HMGXB3: variants seen among roughly 807,000 people sequenced by gnomAD.
HMGXB3 encodes the protein HMG-box containing 3.
In HMGXB3, 45 loss-of-function variants were observed where a neutral mutation model predicts 121.5. The observed-to-expected ratio is 0.37, with a 90% CI of 0.29 to 0.47. The LOEUF is 0.47. Among genes scored for constraint, HMGXB3 ranks in the 20% least tolerant of loss-of-function variants. The pLI is 0.99. For missense variants in HMGXB3, 1,376 were observed against 1,602.2 expected (o/e 0.86, Z 2.41); for synonymous variants, 590 against 624.1 (o/e 0.95, Z 0.81).
intron 6 of HMGXB3, among the ~76,000 whole-genome samples, chr5:150,022,494 A>G (rs1465982420): frequency 6.6e-6 from 1 of 152,230 alleles, no homozygotes; most frequent in Non-Finnish European, 1.5e-5. Context: ...AGTAACATCT[A>G]AAATGAGTAG....
Position 150,007,551 on chromosome 5 carries a change from C to G in HMGXB3, c.312+904C>G, listed in dbSNP as rs114842435. Among the ~76,000 whole-genome samples the G allele has an allele frequency of 2.0e-3, 308 of 152,264 alleles. 1 individual carries two copies. The highest frequency in any genetic ancestry group is 7.1e-3 in the African/African-American group (295 of 41,550). ...CCTTATTGGAGCTCATCAGCTACTGCCATTTAAATTATTTTGTGCTTATTG... is the reference window on the plus strand; with the variant it reads ...CCTTATTGGAGCTCATCAGCTACTGGCATTTAAATTATTTTGTGCTTATTG... On this transcript the variant is annotated intron_variant, in intron 3 of 19. Coordinates refer to ENST00000502717, the MANE Select transcript of HMGXB3 (RefSeq NM_014983.3).
Position 150,006,450 on chromosome 5 carries a change from TGAA to T in HMGXB3, c.138-18_138-16del. 1.3e-6 allele frequency: 2 copies of T among 1,543,434 alleles called. No individual in the cohort carries two copies. ...CAGCATTGCCATTACTGGGAAAGCC[TGAA>T]GAAGTCATTGCTTCCTCAGGTCTGC... is the stretch of plus-strand genomic sequence containing the variant. On this transcript the variant is annotated intron_variant, in intron 2 of 19. Coordinates refer to ENST00000502717, the MANE Select transcript of HMGXB3 (RefSeq NM_014983.3).
At chr5:150,046,748 A>G (rs1187604570) in intron 16 of HMGXB3, among the ~76,000 whole-genome samples, 2 of 151,704 alleles carry the variant, frequency 1.3e-5, no homozygotes, top group East Asian at 4.0e-4. Context: ...GGAGGCGGAG[A>G]TTGCAGTGAG....
intron 1 of HMGXB3, among the ~76,000 whole-genome samples, chr5:150,002,138 G>A (rs1290496067): frequency 6.6e-6 from 1 of 152,198 alleles, no homozygotes; most frequent in Non-Finnish European, 1.5e-5. Flanking sequence ...AGATGACAGA[G>A]AACTAGGAAG....
chr5:150,024,193 G>T, intron 6 of HMGXB3, 69 bp from the exon 7 acceptor site: 1 of 1,236,016 alleles, frequency 8.1e-7, no homozygotes, highest in South Asian at 1.6e-5. Flanking sequence ...TATTAAAAAT[G>T]AGAGAATGTT....
intron 16 of HMGXB3, 92 bp from the exon 17 acceptor site, chr5:150,047,532 C>T (rs1445329376): frequency 3.4e-6 from 5 of 1,461,312 alleles, no homozygotes; most frequent in Non-Finnish European, 3.7e-6. Context: ...TGGTGCAGAG[C>T]TGGCTTCCAC....
At chr5:150,002,502 A>G (rs1202776760) in intron 1 of HMGXB3, among the ~76,000 whole-genome samples, 19 of 152,068 alleles carry the variant, frequency 1.2e-4, no homozygotes, top group Non-Finnish European at 1.5e-5. Flanking sequence ...TCAGTCCCAT[A>G]TTTACCACCA....
At chr5:150,026,915 T>C (rs775848680) in intron 8 of HMGXB3, 34 bp downstream of exon 8, 1 of 1,511,568 alleles carries the variant, frequency 6.6e-7, no homozygotes, top group South Asian at 1.3e-5. Flanking sequence ...ATGGAGGGGC[T>C]GTCTGACAGG....
At chr5:150,046,769 G>C (rs963086452) in intron 16 of HMGXB3, among the ~76,000 whole-genome samples, 3 of 151,834 alleles carry the variant, frequency 2.0e-5, no homozygotes, top group Non-Finnish European at 4.4e-5. Flanking sequence ...CCGAGATCGC[G>C]CCACTGCACT....
chr5:150,023,914 C>G (rs1454747873), intron 6 of HMGXB3, among the ~76,000 whole-genome samples: 1 of 152,236 alleles, frequency 6.6e-6, no homozygotes, highest in Non-Finnish European at 1.5e-5. Context: ...ATGTCACCCT[C>G]TTTCTAGACA....
chr5:150,039,322 C>T (rs893962770), intron 13 of HMGXB3, among the ~76,000 whole-genome samples: 4 of 152,054 alleles, frequency 2.6e-5, no homozygotes, highest in Non-Finnish European at 5.9e-5. Flanking sequence ...CTAGTTTCAG[C>T]ATATAGGTCC....
chr5:150,030,195 C>G (rs1205607785), intron 9 of HMGXB3: 1 of 151,826 alleles, frequency 6.6e-6, no homozygotes, highest in Non-Finnish European at 1.5e-5. Flanking sequence ...CATTTGAGGC[C>G]AGGCATGGTG....
chr5:150,026,419 A>G (rs569061020), intron 7 of HMGXB3, among the ~76,000 whole-genome samples: 14 of 152,254 alleles, frequency 9.2e-5, no homozygotes, highest in Non-Finnish European at 1.9e-4. Context: ...GATTGGCATT[A>G]CACGCTGTAG....
At chr5:150,008,054 T>TTCTCAC (rs201770841) in intron 3 of HMGXB3, among the ~76,000 whole-genome samples, 1 of 108,038 alleles carries the variant, frequency 9.3e-6, no homozygotes. Context: ...GAGACTCTGT[T>TTCTCAC]TCACACACAC....
Position 150,001,129 on chromosome 5 carries a change from G to C in HMGXB3, c.-53G>C, listed in dbSNP as rs1289925040. 1 of 153,956 alleles carries C rather than the reference G, an allele frequency of 6.5e-6. No individual in the cohort carries two copies. The highest frequency in any genetic ancestry group is 1.5e-5 in the Non-Finnish European group (1 of 68,264). The allele number at this position is 153,956 out of a possible 1,614,324, so 9.5% of individuals were successfully genotyped here. On this transcript the variant is annotated 5_prime_UTR_variant, in exon 1 of 20. Coordinates refer to ENST00000502717, the MANE Select transcript of HMGXB3 (RefSeq NM_014983.3). ...CAGCCATCCCCCTCGTCCAGCCGCC[G>C]GGCCAAGCGCCTCCGGGAATGTGAG...
chr5:150,036,329 A>G (rs976446557), intron 11 of HMGXB3, among the ~76,000 whole-genome samples: 1 of 152,088 alleles, frequency 6.6e-6, no homozygotes, highest in Admixed American at 6.5e-5. Context: ...TCCCTAATCC[A>G]GTGATTCAAA....
chr5:150,051,841 C>T lies in HMGXB3; in HGVS notation c.3528C>T (p.Gly1176=), dbSNP rs747625956. The change falls in exon 20 of 20, where the codon GGC becomes GGT. Residue 1176 remains glycine, a synonymous_variant. Transcript: ENST00000502717. ...CCACGCGGCGCATCGTCCATGCAGG[C>T]CTACAGCCCAATCCTGGTGACCCCA... is the stretch of plus-strand genomic sequence containing the variant. ...KTATRRIVHA[G]LQPNPGDPSA... The T allele has an allele frequency of 2.6e-6, 4 of 1,550,552 alleles. No individual in the cohort carries two copies. The African/African-American group carries it at 4.1e-5, about 16-fold the overall frequency.
In HMGXB3 at chr5:150,030,614, A is replaced by G. The variant is rs998281662; in HGVS notation, c.1735-127A>G. 8 of 700,930 alleles carry G rather than the reference A, an allele frequency of 1.1e-5. No homozygotes were observed. In the Admixed American group the frequency reaches 1.9e-4, roughly 16 times the overall value. 43.4% of individuals were successfully genotyped at this position (700,930 alleles called of 1,614,324 possible). ...TTGTGACTGCCAACTGGCAGTCCAG[A>G]GGGCTCATTTGGAGAATAGCTCTAC... On this transcript the variant is annotated intron_variant, in intron 9 of 19. Coordinates refer to ENST00000502717, the MANE Select transcript of HMGXB3 (RefSeq NM_014983.3).
intron 13 of HMGXB3, 70 bp from the exon 14 acceptor site, chr5:150,040,678 G>T: frequency 6.8e-7 from 1 of 1,478,210 alleles, no homozygotes; most frequent in African/African-American, 1.4e-5. Flanking sequence ...GCACCCAGCT[G>T]GTGTGTATTC....
Sources: allele counts gnomAD v4.1 joint callset (sites outside exome capture counted in the v4.1 genomes callset), GRCh38; gene constraint gnomAD v4.1.1; transcripts MANE v1.5; gene names NCBI Gene and HGNC (gene_info 2026-07-23, HGNC 2026-07-21).